STX18: variants seen among roughly 807,000 people sequenced by gnomAD.
STX18 encodes the protein syntaxin-18.
Under a neutral mutation model 50.1 loss-of-function variants are expected in STX18, and 40 were observed. The observed-to-expected ratio is 0.80, with a 90% confidence interval of 0.62 to 1.04. The LOEUF (loss-of-function observed/expected upper bound fraction) is 1.04. Among genes scored for constraint, STX18 ranks in the 50% least tolerant of loss-of-function variants. The pLI is 0.00. For synonymous variants in STX18, 158 were observed against 151.8 expected, an observed-to-expected ratio of 1.04 and a Z score of -0.30; for missense variants, 410 against 415.8, an observed-to-expected ratio of 0.99 and a Z score of 0.12.
At chr4:4,490,581 T>C (rs933479253) in intron 1 of STX18, among the ~76,000 whole-genome samples, 1 of 152,154 alleles carries the variant, frequency 6.6e-6, no homozygotes, top group African/African-American at 2.4e-5. Flanking sequence ...TTAAAATTTA[T>C]TGGAAACTAA....
At chr4:4,422,875 C>T (rs1386659525) in intron 9 of STX18, among the ~76,000 whole-genome samples, 1 of 152,194 alleles carries the variant, frequency 6.6e-6, no homozygotes, top group African/African-American at 2.4e-5. Context: ...AAAATTTTGT[C>T]TTTCAAACGT....
chr4:4,456,018 C>T (rs939937958), intron 5 of STX18, among the ~76,000 whole-genome samples: 4 of 152,120 alleles, frequency 2.6e-5, no homozygotes, highest in Admixed American at 2.6e-4. Flanking sequence ...GACATGGTGG[C>T]TCACGCCTGT....
intron 5 of STX18, among the ~76,000 whole-genome samples, chr4:4,451,142 C>A (rs1726729832): frequency 6.6e-6 from 1 of 152,208 alleles, no homozygotes; most frequent in African/African-American, 2.4e-5. Flanking sequence ...TTTATTTAAA[C>A]TGATTTCTCT....
At chr4:4,421,027 T>G in intron 9 of STX18, 83 bp from the exon 10 acceptor site, 7 of 1,347,260 alleles carry the variant, frequency 5.2e-6, no homozygotes, top group Non-Finnish European at 6.4e-6. Context: ...GCATTTCCTT[T>G]GAGTGTCATG....
chr4:4,464,590 G>T (rs1418309368), intron 2 of STX18, among the ~76,000 whole-genome samples: 1 of 152,078 alleles, frequency 6.6e-6, no homozygotes, highest in Non-Finnish European at 1.5e-5. Flanking sequence ...CTTCTTTAAG[G>T]ACACTTTCTC....
chr4:4,525,265 A>G (rs1255274019), intron 1 of STX18, among the ~76,000 whole-genome samples: 1 of 152,244 alleles, frequency 6.6e-6, no homozygotes, highest in South Asian at 2.1e-4. Context: ...TAAGGAGGTG[A>G]CTAAACAGCT....
At chr4:4,443,873 T>C (rs1454183625) in intron 5 of STX18, among the ~76,000 whole-genome samples, 1 of 152,136 alleles carries the variant, frequency 6.6e-6, no homozygotes, top group Non-Finnish European at 1.5e-5. Context: ...ACTAGGAAAA[T>C]AAGGTATGCA....
intron 1 of STX18, chr4:4,507,561 A>G (rs935605551): frequency 1.2e-5 from 9 of 765,940 alleles, no homozygotes; most frequent in African/African-American, 1.0e-4. Context: ...CCAGGAGTGC[A>G]CTCTGACAGC....
intron 1 of STX18, among the ~76,000 whole-genome samples, chr4:4,485,309 CTTCAT>C (rs1479207313): frequency 3.9e-5 from 6 of 152,220 alleles, no homozygotes; most frequent in African/African-American, 1.4e-4. Flanking sequence ...AAGTTTTCTT[CTTCAT>C]TTCATCACTA....
At position 4,420,979 on chromosome 4, in the gene STX18, C is replaced by G. The variant is rs374695127; in HGVS notation, c.832-35G>C. 5.0e-6 allele frequency: 8 copies of G among 1,605,834 alleles called. No individual in the cohort carries two copies. The African/African-American group carries it at 6.7e-5, about 13-fold the overall frequency. On this transcript the variant is annotated intron_variant, in intron 9 of 10. Coordinates refer to ENST00000306200, the MANE Select transcript of STX18 (RefSeq NM_016930.4). This position sits in a 1 kb window ranked among gnomAD's most constrained non-coding sequence, Gnocchi z 4.3. ...AAAAGATAAATACAAGTTGAGTATC[C>G]TTTATCCAAAAACCTGAAACCCAAA...
intron 5 of STX18, among the ~76,000 whole-genome samples, chr4:4,442,893 A>G: frequency 6.6e-6 from 1 of 152,174 alleles, no homozygotes; most frequent in East Asian, 1.9e-4. Flanking sequence ...GAAAGTTCAC[A>G]CAAATGCAAA....
At chr4:4,507,038 A>G (rs1577385147) in intron 1 of STX18, 1 of 434,112 alleles carries the variant, frequency 2.3e-6, no homozygotes, top group East Asian at 6.0e-5. Context: ...AAATTTTTAA[A>G]AAGCAGCTCT....
intron 3 of STX18, 68 bp from the exon 4 acceptor site, chr4:4,457,568 C>T: frequency 8.7e-7 from 1 of 1,155,894 alleles, no homozygotes; most frequent in South Asian, 1.3e-5. Flanking sequence ...TCATCAGCTT[C>T]CTCACAACAC....
At chr4:4,534,898 C>T (rs141696028) in intron 1 of STX18, among the ~76,000 whole-genome samples, 131 of 152,346 alleles carry the variant, frequency 8.6e-4, no homozygotes, top group African/African-American at 3.0e-3. Flanking sequence ...AGGCAGTGGG[C>T]CGGATTTGGC....
chr4:4,457,447 C>T lies in STX18; in HGVS notation c.406G>A (p.Asp136Asn), dbSNP rs139040070. 1 of 1,613,818 alleles carries T rather than the reference C, an allele frequency of 6.2e-7. No homozygotes were observed. Among genetic ancestry groups the T allele is most frequent in the Non-Finnish European group, 8.5e-7 (1 of 1,179,876 alleles). ...CTTTTCAAGTAATCTTCAATGAAAT[C>T]CAAAACAGCGGTCCTGTGCTCCTTC... ...QVKEHRTAVLDFIEDYLKRVC... is the reference protein window; with the variant it reads ...QVKEHRTAVLNFIEDYLKRVC... The change falls in exon 4 of 11, where the codon GAT (aspartate) becomes AAT (asparagine). Residue 136 changes from aspartate (D) to asparagine (N), a missense_variant. Physicochemically the swap from Asp to Asn is conservative, Grantham distance 23 (BLOSUM62 1). Coordinates refer to ENST00000306200, the MANE Select transcript of STX18 (RefSeq NM_016930.4).
chr4:4,478,253 G>A (rs558790473), intron 1 of STX18, among the ~76,000 whole-genome samples: 1 of 149,914 alleles, frequency 6.7e-6, no homozygotes, highest in African/African-American at 2.5e-5. Context: ...CGTTTTCACT[G>A]ATTGACATTT....
At position 4,420,920 on chromosome 4, in the gene STX18, G is replaced by C; in HGVS notation, c.856C>G (p.Gln286Glu). 6.2e-7 allele frequency: 1 copy of C among 1,614,062 alleles called. No homozygotes were observed. Among genetic ancestry groups the C allele is most frequent in the Non-Finnish European group, 8.5e-7 (1 of 1,179,994 alleles). Reference sequence around the variant, plus strand: ...TTTTCAGTTGCCCCCACAACTAACTGGTGAATGCTGTCAATCTCAGCTTCC... The same window carrying C: ...TTTTCAGTTGCCCCCACAACTAACTCGTGAATGCTGTCAATCTCAGCTTCC... ...QQEAEIDSIH[Q>E]LVVGATENIK... Residue 286 changes from glutamine (Q) to glutamate (E), a missense_variant, in exon 10 of 11, where the codon CAG becomes GAG. Transcript: ENST00000306200. This position sits in a 1 kb window ranked among gnomAD's most constrained non-coding sequence, Gnocchi z 4.3.
intron 1 of STX18, among the ~76,000 whole-genome samples, chr4:4,505,447 C>A (rs1729656216): frequency 6.6e-6 from 1 of 152,154 alleles, no homozygotes; most frequent in African/African-American, 2.4e-5. Context: ...GAGTGTCATA[C>A]CGCACATTGC....
At chr4:4,507,547 C>T (rs116851594) in intron 1 of STX18, 21 of 770,232 alleles carry the variant, frequency 2.7e-5, no homozygotes, top group East Asian at 2.5e-4. Flanking sequence ...TAAGCAAAAG[C>T]GTCCCAGGAG....
Sources: allele counts gnomAD v4.1 joint callset (sites outside exome capture counted in the v4.1 genomes callset), GRCh38; gene constraint gnomAD v4.1.1; non-coding constraint Gnocchi (gnomAD v3.1); transcripts MANE v1.5; gene names NCBI Gene and HGNC (gene_info 2026-07-23, HGNC 2026-07-21).